Variants in RBFOX1 observed in about 807,000 individuals in gnomAD.
RBFOX1 encodes RNA binding protein fox-1 homolog 1.
RBFOX1 carries 8 observed loss-of-function variants against 57.7 expected under a neutral mutation model. The observed-to-expected ratio is 0.14, with a 90% confidence interval of 0.08 to 0.25. The LOEUF is 0.25. Among genes scored for constraint, RBFOX1 ranks in the 10% least tolerant of loss-of-function variants. The probability of loss-of-function intolerance (pLI) is 1.00; values close to 1 mark genes in which losing one functional copy is unlikely to be tolerated. For missense variants in RBFOX1, 611 were observed against 548.5 expected (o/e 1.11, Z -1.14); for synonymous variants, 326 against 222.4 (o/e 1.47, Z -4.15).
chr16:5,314,056 G>A (rs1001403794), intron 1 of RBFOX1, among the ~76,000 whole-genome samples: 2 of 152,194 alleles, frequency 1.3e-5, no homozygotes, highest in Non-Finnish European at 2.9e-5. Context: ...ATCGCATAAT[G>A]TGAGCTAACA....
chr16:7,547,438 AAAGAC>A (rs1242095861), intron 5 of RBFOX1, among the ~76,000 whole-genome samples: 1 of 152,244 alleles, frequency 6.6e-6, no homozygotes, highest in Non-Finnish European at 1.5e-5. Context: ...AATGAGAAGA[AAAGAC>A]AAGAGAAGGG....
chr16:5,813,692 C>T (rs2055518628), intron 3 of RBFOX1, among the ~76,000 whole-genome samples: 1 of 152,194 alleles, frequency 6.6e-6, no homozygotes, highest in African/African-American at 2.4e-5. Context: ...TTATCTGTAT[C>T]ATAGAGTTGT....
In RBFOX1 at chr16:5,743,418, AAGG is replaced by A. The variant is rs1406455705; in HGVS notation, c.319-123879_319-123877del. On this transcript the variant is annotated intron_variant, in intron 3 of 19. Transcript: ENST00000641259. ...GACCTTTGCAGAGCATGTCCCGTGG[AAGG>A]AGGAGTCTTACATTCCCATAAAGGA... 4.6e-5 allele frequency among the ~76,000 whole-genome samples: 7 copies of A among 152,292 alleles called. No individual in the cohort carries two copies. The East Asian group carries it at 1.4e-3, about 29-fold the overall frequency.
chr16:7,407,712 G>A (rs1407888457), intron 4 of RBFOX1, among the ~76,000 whole-genome samples: 2 of 152,160 alleles, frequency 1.3e-5, no homozygotes, highest in Non-Finnish European at 2.9e-5. Context: ...TGGTTGATAT[G>A]CAGAATAATA....
intron 3 of RBFOX1, among the ~76,000 whole-genome samples, chr16:5,803,003 G>C (rs1450146333): frequency 1.3e-5 from 2 of 152,172 alleles, no homozygotes; most frequent in Non-Finnish European, 2.9e-5. Flanking sequence ...TCATAGTTTA[G>C]AGAAGGAGAC....
At chr16:7,130,220 G>A (rs1446079763) in intron 4 of RBFOX1, among the ~76,000 whole-genome samples, 2 of 151,884 alleles carry the variant, frequency 1.3e-5, no homozygotes, top group Admixed American at 6.6e-5. Context: ...TTTTGGTAGA[G>A]GTGGAGTTTC....
intron 4 of RBFOX1, among the ~76,000 whole-genome samples, chr16:7,496,212 C>T (rs1013598233): frequency 1.3e-5 from 2 of 152,176 alleles, no homozygotes; most frequent in African/African-American, 2.4e-5. Context: ...GGCATGATCT[C>T]AGCTCACTGC....
intron 4 of RBFOX1, among the ~76,000 whole-genome samples, chr16:7,232,376 G>C (rs2093550863): frequency 6.6e-6 from 1 of 152,128 alleles, no homozygotes; most frequent in South Asian, 2.1e-4. Flanking sequence ...ATGGGCAAAA[G>C]ATGCCTATGT....
chr16:7,104,996 C>G (rs2063326903), intron 4 of RBFOX1, among the ~76,000 whole-genome samples: 1 of 152,124 alleles, frequency 6.6e-6, no homozygotes, highest in South Asian at 2.1e-4. Flanking sequence ...TTTCTCAGCT[C>G]TGCTTTCTTT....
rs3046798 is a variant in RBFOX1, at chr16:7,144,417, C to CTTCTTTTTTTT, written c.27+92321_27+92322insCTTTTTTTTTT. On this transcript the variant is annotated intron_variant, in intron 4 of 15. Transcript: ENST00000550418. ...TCTTTTCTCTTTCTTTTTCTTTCTT[C>CTTCTTTTTTTT]TTTTTTTTTTTTTTTTTTTTTGAGT... Among the ~76,000 whole-genome samples, 397 of 66,938 alleles carry CTTCTTTTTTTT rather than the reference C, an allele frequency of 5.9e-3. 5 individuals are homozygous for CTTCTTTTTTTT. The highest frequency in any genetic ancestry group is 0.03 in the Middle Eastern group (2 of 66). 43.9% of individuals were successfully genotyped at this position (66,938 alleles called of 152,430 possible).
At chr16:7,427,192 C>G (rs975522595) in intron 4 of RBFOX1, among the ~76,000 whole-genome samples, 1 of 152,146 alleles carries the variant, frequency 6.6e-6, no homozygotes, top group South Asian at 2.1e-4. Context: ...TGCAGCACAC[C>G]AACATGGCAC....
chr16:7,254,205 AT>A (rs1476391235), intron 4 of RBFOX1, among the ~76,000 whole-genome samples: 13 of 152,316 alleles, frequency 8.5e-5, no homozygotes, highest in Non-Finnish European at 4.4e-5. Context: ...CACACAGTTC[AT>A]TGTTGGAGAA....
At position 6,843,502 on chromosome 16, in the gene RBFOX1, C is replaced by G. The variant is rs575571073; in HGVS notation, c.-16+188852C>G. On this transcript the variant is annotated intron_variant, in intron 3 of 15. Transcript: ENST00000550418. ...AGGAGATCGAGACCATCCTGGCTAA[C>G]ACTGTGAAACCCCGTCTGTACTAAA... Among the ~76,000 whole-genome samples the G allele has an allele frequency of 2.6e-5, 4 of 152,092 alleles. No individual in the cohort carries two copies. The South Asian group carries it at 8.3e-4, about 32-fold the overall frequency.
At chr16:7,370,251 C>G (rs1164319803) in intron 4 of RBFOX1, among the ~76,000 whole-genome samples, 1 of 152,168 alleles carries the variant, frequency 6.6e-6, no homozygotes, top group African/African-American at 2.4e-5. Flanking sequence ...TGATTGAGAA[C>G]TACTGCTCTA....
At chr16:6,041,892 G>A (rs1301422371) in intron 1 of RBFOX1, among the ~76,000 whole-genome samples, 2 of 152,050 alleles carry the variant, frequency 1.3e-5, no homozygotes, top group African/African-American at 2.4e-5. Flanking sequence ...TATAGCTCAG[G>A]AACCCAGTGT....
intron 3 of RBFOX1, among the ~76,000 whole-genome samples, chr16:7,014,179 A>G (rs1260751769): frequency 6.6e-6 from 1 of 152,066 alleles, no homozygotes; most frequent in African/African-American, 2.4e-5. Flanking sequence ...TTGACAAATG[A>G]AAATAACCTG....
At chr16:7,682,845 T>G (rs1430751973) in intron 14 of RBFOX1, among the ~76,000 whole-genome samples, 1 of 149,354 alleles carries the variant, frequency 6.7e-6, no homozygotes, top group East Asian at 2.1e-4. Flanking sequence ...TGTTGTTGTT[T>G]TTTGGGGTTT....
intron 4 of RBFOX1, among the ~76,000 whole-genome samples, chr16:7,251,381 T>G (rs1278244002): frequency 6.6e-6 from 1 of 150,680 alleles, no homozygotes; most frequent in Admixed American, 6.6e-5. Flanking sequence ...CATTCCATTG[T>G]AGATACAGAG....
At chr16:7,416,761 A>T (rs149771437) in intron 4 of RBFOX1, among the ~76,000 whole-genome samples, 1 of 152,252 alleles carries the variant, frequency 6.6e-6, no homozygotes, top group East Asian at 1.9e-4. Context: ...TGTGGACACT[A>T]GTTGTGAATA....
Sources: allele counts gnomAD v4.1 joint callset (sites outside exome capture counted in the v4.1 genomes callset), GRCh38; gene constraint gnomAD v4.1.1; transcripts MANE v1.5; gene names NCBI Gene and HGNC (gene_info 2026-07-23, HGNC 2026-07-21).